Variants in AGK observed in about 807,000 individuals in gnomAD.
The protein encoded by AGK is acylglycerol kinase.
Under a neutral mutation model 66.4 loss-of-function variants are expected in AGK, and 52 were observed. That is an observed-to-expected ratio of 0.78 (90% confidence interval 0.63 to 0.99). The LOEUF (loss-of-function observed/expected upper bound fraction) is 0.99. Ranked by LOEUF, AGK falls within the 50% of genes least tolerant of loss-of-function variation. AGK has a pLI of 0.00. For missense variants in AGK, 451 were observed against 506.6 expected (o/e 0.89, Z 1.05); for synonymous variants, 182 against 181.1 (o/e 1.00, Z -0.04).
In AGK at chr7:141,633,877, A is replaced by G. The variant is rs376746488; in HGVS notation, c.589-24A>G. On this transcript the variant is annotated intron_variant, in intron 9 of 15. Coordinates refer to ENST00000649286, the MANE Select transcript of AGK (RefSeq NM_018238.4). ...TCTGAGTGATTATAGTCATGAATTT[A>G]AATGAAATGTATTTAACTTCCAGGG... 32 of 1,596,872 alleles carry G rather than the reference A, an allele frequency of 2.0e-5. 1 individual carries two copies. Among genetic ancestry groups the G allele is most frequent in the Admixed American group, 3.3e-5 (2 of 59,986 alleles).
rs1432751192 is a variant in AGK at position 141,598,545 on chromosome 7, A to G, written c.221+1904A>G. Among the ~76,000 whole-genome samples the G allele has an allele frequency of 6.6e-6, 1 of 152,220 alleles. No individual in the cohort carries two copies. Among genetic ancestry groups the G allele is most frequent in the Non-Finnish European group, 1.5e-5 (1 of 68,046 alleles). Reference sequence around the variant, plus strand: ...TGTAAAATCAGAAAGGCAATAGTACATACTTTAAAAATTATTATGTGGAAT... The same window carrying G: ...TGTAAAATCAGAAAGGCAATAGTACGTACTTTAAAAATTATTATGTGGAAT... On this transcript the variant is annotated intron_variant, in intron 4 of 15. Transcript: ENST00000649286. The surrounding 1 kb of genome is among the most constrained non-coding windows in gnomAD (Gnocchi z 4.2).
intron 2 of AGK, among the ~76,000 whole-genome samples, chr7:141,557,473 G>C (rs1273357213): frequency 6.6e-6 from 1 of 152,218 alleles, no homozygotes; most frequent in Non-Finnish European, 1.5e-5. Context: ...CCATGGCTAG[G>C]TCAGTCGGGG....
intron 13 of AGK, among the ~76,000 whole-genome samples, chr7:141,643,257 A>G (rs1346742939): frequency 6.6e-6 from 1 of 152,224 alleles, no homozygotes; most frequent in African/African-American, 2.4e-5. Context: ...AAAATAATAA[A>G]ATCATTAAAG....
chr7:141,559,356 A>G lies in AGK; in HGVS notation c.101+3789A>G, dbSNP rs535452195. 7.9e-5 allele frequency among the ~76,000 whole-genome samples: 12 copies of G among 152,144 alleles called. No individual in the cohort carries two copies. In the South Asian group the frequency reaches 2.5e-3, roughly 32 times the overall value. ...ATGGATATCTAGTTTTTCCATTACC[A>G]TTTGTTGAAGAGACTGTCATTTCCC... On this transcript the variant is annotated intron_variant, in intron 2 of 15. Transcript: ENST00000649286.
chr7:141,651,526 A>C lies in AGK; in HGVS notation c.1048A>C (p.Ser350Arg). Residue 350 changes from serine to arginine, a missense_variant and splice_region_variant, in exon 15 of 16, where the codon AGT (serine) becomes CGT (arginine). Transcript: ENST00000649286. ...ISKGDFITIG[S>R]RKVRNPKLHV... ...GCTTGCTTTTTCCTGTGCTCACAGA[A>C]GTCGAAAGGTGAGAAACCCCAAGCT... 1 of 1,614,206 alleles carries C rather than the reference A, an allele frequency of 6.2e-7. No individual in the cohort carries two copies. The highest frequency in any genetic ancestry group is 8.5e-7 in the Non-Finnish European group (1 of 1,180,010).
chr7:141,577,235 G>T (rs1795763358), intron 2 of AGK, among the ~76,000 whole-genome samples: 1 of 152,040 alleles, frequency 6.6e-6, no homozygotes, highest in Non-Finnish European at 1.5e-5. Context: ...CAACCTTAAG[G>T]CTGATAAGAA....
At chr7:141,574,403 G>A (rs1483439675) in intron 2 of AGK, among the ~76,000 whole-genome samples, 1 of 152,166 alleles carries the variant, frequency 6.6e-6, no homozygotes, top group African/African-American at 2.4e-5. Flanking sequence ...GCTGACTAAC[G>A]TGGGCTCCTG....
intron 2 of AGK, among the ~76,000 whole-genome samples, chr7:141,559,969 C>CTT (rs398111970): frequency 2.0e-5 from 3 of 147,048 alleles, no homozygotes; most frequent in South Asian, 2.1e-4. Context: ...GTTCTAACAG[C>CTT]TTTTTTTTTT....
At chr7:141,637,141 CAG>C in intron 11 of AGK, 124 bp downstream of exon 11, 1 of 707,532 alleles carries the variant, frequency 1.4e-6, no homozygotes, top group Non-Finnish European at 2.4e-6. Context: ...AACACTAAAA[CAG>C]GGCATGTTTG....
Position 141,647,890 on chromosome 7 carries a change from C to T in AGK, c.976-1373C>T, listed in dbSNP as rs540434248. On this transcript the variant is annotated intron_variant, in intron 13 of 15. Coordinates refer to ENST00000649286, the MANE Select transcript of AGK (RefSeq NM_018238.4). ...TTCACCACGTTGGCCGGGCTGGTCTCGAACTCCTGACCTCGGCTGATCCGC... is the reference window on the plus strand; with the variant it reads ...TTCACCACGTTGGCCGGGCTGGTCTTGAACTCCTGACCTCGGCTGATCCGC... 1.9e-4 allele frequency among the ~76,000 whole-genome samples: 29 copies of T among 152,318 alleles called. No homozygotes were observed. In the East Asian group the frequency reaches 4.8e-3, roughly 25 times the overall value.
intron 13 of AGK, among the ~76,000 whole-genome samples, chr7:141,646,301 C>T (rs1159254786): frequency 6.6e-6 from 1 of 152,038 alleles, no homozygotes. Flanking sequence ...GAGTTACCTA[C>T]CAGTGAGCAG....
At chr7:141,599,254 A>G (rs1796290838) in intron 4 of AGK, 1 of 152,198 alleles carries the variant, frequency 6.6e-6, no homozygotes, top group African/African-American at 2.4e-5. Context: ...AAGAGCTTTA[A>G]GAAATAAGAT....
At chr7:141,642,520 G>A (rs1227063923) in intron 13 of AGK, among the ~76,000 whole-genome samples, 1 of 152,106 alleles carries the variant, frequency 6.6e-6, no homozygotes, top group African/African-American at 2.4e-5. Context: ...CCATCATACT[G>A]GAAAGCACAG....
intron 1 of AGK, among the ~76,000 whole-genome samples, chr7:141,552,247 T>G (rs1457574575): frequency 6.6e-6 from 1 of 152,246 alleles, no homozygotes; most frequent in East Asian, 1.9e-4. Flanking sequence ...TATAAAGTGG[T>G]CTTTTAACAG....
At chr7:141,576,913 A>C (rs968024476) in intron 2 of AGK, among the ~76,000 whole-genome samples, 1 of 151,784 alleles carries the variant, frequency 6.6e-6, no homozygotes, top group Non-Finnish European at 1.5e-5. Context: ...GGTGGCGGGC[A>C]CCTGTAGTCC....
intron 1 of AGK, among the ~76,000 whole-genome samples, chr7:141,551,891 C>T (rs1356316180): frequency 6.6e-6 from 1 of 152,300 alleles, no homozygotes; most frequent in East Asian, 1.9e-4. Context: ...GAGGGGTTCA[C>T]TATCTAGTAA....
chr7:141,628,324 T>C (rs1796983447), intron 9 of AGK, among the ~76,000 whole-genome samples: 1 of 152,202 alleles, frequency 6.6e-6, no homozygotes, highest in Admixed American at 6.5e-5. Flanking sequence ...TGAAAATCAG[T>C]TCCTAGAAAA....
At chr7:141,616,742 CT>C (rs1010859455) in intron 8 of AGK, among the ~76,000 whole-genome samples, 4 of 149,632 alleles carry the variant, frequency 2.7e-5, no homozygotes, top group African/African-American at 7.4e-5. Context: ...GTTGGCCATC[CT>C]TTTTTTTTCT....
intron 2 of AGK, chr7:141,562,237 C>G: frequency 2.2e-6 from 1 of 452,182 alleles, no homozygotes; most frequent in East Asian, 7.0e-5. Flanking sequence ...TTCTCCTTCT[C>G]GGGAGCAGTG....
Sources: allele counts gnomAD v4.1 joint callset (sites outside exome capture counted in the v4.1 genomes callset), GRCh38; gene constraint gnomAD v4.1.1; non-coding constraint Gnocchi (gnomAD v3.1); transcripts MANE v1.5; gene names NCBI Gene and HGNC (gene_info 2026-07-23, HGNC 2026-07-21).